Variants in SP140 observed in about 807,000 individuals in gnomAD.
SP140 encodes nuclear body protein SP140.
SP140 carries 81 observed loss-of-function variants against 125.0 expected under a neutral mutation model. The ratio of observed to expected loss-of-function variants is 0.65; its 90% CI spans 0.54 to 0.78. The LOEUF (loss-of-function observed/expected upper bound fraction) is 0.78, where lower values mean the gene tolerates loss of function less well. Ranked by LOEUF, SP140 falls within the 30% of genes least tolerant of loss-of-function variation. SP140 has a pLI of 0.00. For missense variants in SP140, 858 were observed against 1,037.0 expected (o/e 0.83, Z 2.37); for synonymous variants, 312 against 354.0 (o/e 0.88, Z 1.33).
chr2:230,293,851 A>G (rs977221636), intron 20 of SP140, among the ~76,000 whole-genome samples: 1 of 151,664 alleles, frequency 6.6e-6, no homozygotes, highest in African/African-American at 2.4e-5. Flanking sequence ...TTGTCCGTAG[A>G]CTCCTTTAGG....
chr2:230,227,630 A>G (rs776150583), intron 1 of SP140, among the ~76,000 whole-genome samples: 2 of 152,232 alleles, frequency 1.3e-5, no homozygotes, highest in Non-Finnish European at 2.9e-5. Context: ...CTATTCAGAC[A>G]ACCTATCTCT....
chr2:230,305,529 G>A (rs2058675268), intron 22 of SP140, among the ~76,000 whole-genome samples: 1 of 152,252 alleles, frequency 6.6e-6, no homozygotes, highest in Admixed American at 6.5e-5. Flanking sequence ...GTTGCCCTGG[G>A]AGCCTTCCTC....
intron 3 of SP140, chr2:230,216,993 C>A: frequency 6.8e-7 from 1 of 1,480,350 alleles, no homozygotes; most frequent in South Asian, 1.2e-5. Context: ...TGCCTGTAAT[C>A]CCGGCACTTT....
chr2:230,226,489 C>T (rs1303016066), intron 1 of SP140, among the ~76,000 whole-genome samples: 1 of 152,008 alleles, frequency 6.6e-6, no homozygotes. Context: ...TTTTTTTATT[C>T]TTCTGTTCTG....
the SP140 span, among the ~76,000 whole-genome samples, chr2:230,191,776 C>A: frequency 5.3e-5 from 8 of 152,126 alleles, no homozygotes; most frequent in South Asian, 1.7e-3. Context: ...CTCCTTAACT[C>A]ATTTTATGAA....
chr2:230,203,643 C>G (rs969435915), intron 1 of SP140: 1 of 152,068 alleles, frequency 6.6e-6, no homozygotes, highest in African/African-American at 2.4e-5. Flanking sequence ...TTCTGCATAA[C>G]TAAAGGAGGG....
chr2:230,199,488 C>T (rs2148842452), upstream of SP140, among the ~76,000 whole-genome samples: 1 of 152,146 alleles, frequency 6.6e-6, no homozygotes, highest in Non-Finnish European at 1.5e-5. Context: ...GGATTATAGG[C>T]ATGAGCCACT....
intron 22 of SP140, among the ~76,000 whole-genome samples, chr2:230,299,289 C>T (rs2058064354): frequency 6.6e-6 from 1 of 152,320 alleles, no homozygotes; most frequent in Admixed American, 6.5e-5. Context: ...GGAAAAAGTC[C>T]ACCTCTGAAC....
intron 26 of SP140, 94 bp from the exon 27 acceptor site, chr2:230,312,492 T>C (rs2059410041): frequency 2.5e-6 from 2 of 806,656 alleles, no homozygotes; most frequent in East Asian, 5.4e-5. Context: ...GTACTTTTTT[T>C]TTTAAAGACA....
upstream of SP140, among the ~76,000 whole-genome samples, chr2:230,221,500 A>T (rs1470740636): frequency 6.6e-6 from 1 of 152,140 alleles, no homozygotes; most frequent in Non-Finnish European, 1.5e-5. Context: ...CCTAGTATGT[A>T]CAGAATAGCA....
intron 22 of SP140, 38 bp downstream of exon 22, chr2:230,297,500 C>A (rs1351391530): frequency 6.2e-7 from 1 of 1,604,766 alleles, no homozygotes; most frequent in Non-Finnish European, 8.5e-7. Context: ...CCAGAATATT[C>A]CACTCCTTTC....
intron 15 of SP140, among the ~76,000 whole-genome samples, chr2:230,277,065 A>G (rs2054816182): frequency 6.6e-6 from 1 of 152,190 alleles, no homozygotes; most frequent in South Asian, 2.1e-4. Flanking sequence ...TGTTGAAATG[A>G]CAACAAAGGA....
rs1213514935 is a variant in SP140, at chr2:230,270,645, A to C, written c.1498+6A>C. The C allele has an allele frequency of 6.2e-7, 1 of 1,600,022 alleles. No homozygotes were observed. Among genetic ancestry groups the C allele is most frequent in the African/African-American group, 1.3e-5 (1 of 74,512 alleles). On this transcript the variant is annotated splice_donor_region_variant and intron_variant, in intron 15 of 26. Transcript: ENST00000392045. The stretch of plus-strand genomic sequence containing the variant: ...AAAACCCAAGAGGAAAAGAAGTAAG[A>C]ATAAATAAGAATTTATTTGCTTTTG...
At chr2:230,243,070 C>T (rs1028412903) in intron 4 of SP140, among the ~76,000 whole-genome samples, 1 of 152,206 alleles carries the variant, frequency 6.6e-6, no homozygotes, top group Non-Finnish European at 1.5e-5. Context: ...CACCTGCTTA[C>T]TTCTCCAGCT....
At chr2:230,308,408 TA>T (rs1176886438) in intron 22 of SP140, among the ~76,000 whole-genome samples, 1 of 152,198 alleles carries the variant, frequency 6.6e-6, no homozygotes, top group Non-Finnish European at 1.5e-5. Flanking sequence ...TTAAAAAGAT[TA>T]AGGATTCGAC....
the SP140 span, among the ~76,000 whole-genome samples, chr2:230,195,357 C>G: frequency 6.6e-6 from 1 of 152,044 alleles, no homozygotes; most frequent in Admixed American, 6.6e-5. Context: ...TTTTTGGGGA[C>G]AGAGTCTTGT....
intron 1 of SP140, among the ~76,000 whole-genome samples, chr2:230,236,716 C>T (rs979272587): frequency 2.0e-5 from 3 of 152,208 alleles, no homozygotes; most frequent in African/African-American, 7.2e-5. Context: ...CAAAAACACC[C>T]TCAAAGTTGG....
chr2:230,291,700 A>C (rs1230728608), intron 19 of SP140, among the ~76,000 whole-genome samples: 1 of 152,252 alleles, frequency 6.6e-6, no homozygotes, highest in Non-Finnish European at 1.5e-5. Flanking sequence ...GGCTATTATA[A>C]ATAATGCTGT....
Position 230,312,694 on chromosome 2 carries a change from T to C in SP140, c.*10T>C. 2 of 1,588,698 alleles carry C rather than the reference T, an allele frequency of 1.3e-6. No homozygotes were observed. Among genetic ancestry groups the C allele is most frequent in the Non-Finnish European group, 8.6e-7 (1 of 1,158,356 alleles). On this transcript the variant is annotated 3_prime_UTR_variant, in exon 27 of 27. Transcript: ENST00000392045. ...AAATGGGAACAATTGACTGGATTAG[T>C]GGATGCTGAAAGCATTCAGCAAATG...
Sources: gnomAD v4.1 joint callset for allele counts (sites outside exome capture counted in the v4.1 genomes callset) on GRCh38, gnomAD v4.1.1 for gene constraint, MANE v1.5 for transcripts, NCBI Gene and HGNC (gene_info 2026-07-23, HGNC 2026-07-21) for gene names.